ZNRF2: variants seen among roughly 807,000 people sequenced by gnomAD.
ZNRF2 encodes the protein zinc and ring finger 2.
A neutral mutation model predicts 20.4 loss-of-function variants in ZNRF2; 16 were observed. The observed-to-expected ratio is 0.79, with a 90% CI of 0.53 to 1.19. The LOEUF is 1.19. ZNRF2 is among the 50% of genes most tolerant of loss of function. ZNRF2 has a pLI of 0.00. For missense variants in ZNRF2, 363 were observed against 332.4 expected, an observed-to-expected ratio of 1.09 and a Z score of -0.72; for synonymous variants, 178 against 144.9, an observed-to-expected ratio of 1.23 and a Z score of -1.64.
intron 1 of ZNRF2, among the ~76,000 whole-genome samples, chr7:30,316,010 T>G (rs967518862): frequency 1.3e-5 from 2 of 151,878 alleles, no homozygotes; most frequent in African/African-American, 4.8e-5. Flanking sequence ...ATTGTCAGAC[T>G]AGGCGCTGTG....
intron 2 of ZNRF2, among the ~76,000 whole-genome samples, chr7:30,329,032 A>G (rs944450484): frequency 1.6e-4 from 25 of 152,174 alleles, no homozygotes; most frequent in Admixed American, 7.2e-4. Context: ...TGTATAGTCT[A>G]TGAATCTAAT....
In ZNRF2 at chr7:30,286,014, C is replaced by G. The variant is rs556540595; in HGVS notation, c.469+188C>G. ...CGCTTAACACCGGCGGTGCCGCTAC[C>G]GCATAGACGCGTGGTTTTGTTTTTA... is the stretch of plus-strand genomic sequence containing the variant. On this transcript the variant is annotated intron_variant, in intron 1 of 4. Transcript: ENST00000323037. Among the ~76,000 whole-genome samples, 6 of 152,352 alleles carry G rather than the reference C, an allele frequency of 3.9e-5. No homozygotes were observed. The South Asian group carries it at 1.0e-3, about 26-fold the overall frequency.
chr7:30,357,196 T>G (rs892270860), intron 3 of ZNRF2, among the ~76,000 whole-genome samples: 7 of 152,176 alleles, frequency 4.6e-5, no homozygotes, highest in Non-Finnish European at 1.0e-4. Context: ...GCCCATCAAT[T>G]GATTAGAGAA....
At chr7:30,352,511 A>C (rs965486154) in intron 2 of ZNRF2, among the ~76,000 whole-genome samples, 2 of 152,092 alleles carry the variant, frequency 1.3e-5, no homozygotes, top group African/African-American at 4.8e-5. Flanking sequence ...CTGATAAGCA[A>C]TGCGCTCATT....
chr7:30,340,907 C>T (rs1249977742), intron 2 of ZNRF2, among the ~76,000 whole-genome samples: 1 of 152,090 alleles, frequency 6.6e-6, no homozygotes, highest in Non-Finnish European at 1.5e-5. Flanking sequence ...TAATTACTGC[C>T]TCAATTTCAG....
At chr7:30,331,175 T>C (rs1799630568) in intron 2 of ZNRF2, among the ~76,000 whole-genome samples, 1 of 152,192 alleles carries the variant, frequency 6.6e-6, no homozygotes, top group Non-Finnish European at 1.5e-5. Flanking sequence ...CATACAGGAT[T>C]CCTGTACTAA....
At chr7:30,351,070 ATAAC>A (rs1043800061) in intron 2 of ZNRF2, among the ~76,000 whole-genome samples, 1 of 150,968 alleles carries the variant, frequency 6.6e-6, no homozygotes, top group African/African-American at 2.4e-5. Flanking sequence ...TTGATCTGCA[ATAAC>A]TATATGGATA....
At chr7:30,316,993 G>GC (rs954335779) in intron 1 of ZNRF2, among the ~76,000 whole-genome samples, 6 of 151,776 alleles carry the variant, frequency 4.0e-5, no homozygotes, top group African/African-American at 7.3e-5. Context: ...TGATTTATTT[G>GC]CCCCCCCTTT....
chr7:30,338,427 C>T (rs1193071702), intron 2 of ZNRF2, among the ~76,000 whole-genome samples: 1 of 136,994 alleles, frequency 7.3e-6, no homozygotes, highest in African/African-American at 2.7e-5. Context: ...CCCCTAGCCC[C>T]CCCCCACCCC....
chr7:30,342,733 A>G (rs1486943148), intron 2 of ZNRF2, among the ~76,000 whole-genome samples: 1 of 152,114 alleles, frequency 6.6e-6, no homozygotes, highest in African/African-American at 2.4e-5. Flanking sequence ...TTTCAGCAGA[A>G]GTATACAAGC....
At chr7:30,308,487 A>G (rs1039658522) in intron 1 of ZNRF2, among the ~76,000 whole-genome samples, 2 of 152,154 alleles carry the variant, frequency 1.3e-5, no homozygotes, top group African/African-American at 4.8e-5. Flanking sequence ...GAGAAATGCA[A>G]ATCTGTGGGC....
intron 4 of ZNRF2, among the ~76,000 whole-genome samples, chr7:30,363,541 C>T (rs776000331): frequency 7.9e-5 from 12 of 152,038 alleles, no homozygotes; most frequent in Admixed American, 3.3e-4. Context: ...TTCAAACAGT[C>T]GCATCATAAA....
chr7:30,313,874 C>T (rs762164485), intron 1 of ZNRF2, among the ~76,000 whole-genome samples: 8 of 152,162 alleles, frequency 5.3e-5, no homozygotes, highest in Non-Finnish European at 1.0e-4. Flanking sequence ...TCGGTATATT[C>T]GATTTTACAA....
chr7:30,324,953 T>C (rs752634248), intron 2 of ZNRF2, among the ~76,000 whole-genome samples: 3 of 152,196 alleles, frequency 2.0e-5, no homozygotes, highest in Non-Finnish European at 4.4e-5. Flanking sequence ...GCAGTGCATA[T>C]GTGTCTCTGT....
Position 30,292,408 on chromosome 7 carries a change from C to T in ZNRF2, c.469+6582C>T, listed in dbSNP as rs569571361. On this transcript the variant is annotated intron_variant, in intron 1 of 4. Coordinates refer to ENST00000323037, the MANE Select transcript of ZNRF2 (RefSeq NM_147128.4). ...ATCACTCAAATATTTAATGAGGACG[C>T]GCTTTTCCGGACACTATTCTGGGGG... Among the ~76,000 whole-genome samples the T allele has an allele frequency of 1.4e-3, 215 of 152,120 alleles. 2 individuals carry two copies. Among genetic ancestry groups the T allele is most frequent in the Non-Finnish European group, 1.8e-3 (121 of 68,012 alleles).
At chr7:30,316,142 G>A (rs1333127435) in intron 1 of ZNRF2, among the ~76,000 whole-genome samples, 1 of 151,552 alleles carries the variant, frequency 6.6e-6, no homozygotes, top group Non-Finnish European at 1.5e-5. Flanking sequence ...TACAAAATTA[G>A]CTGGGCTTGG....
At chr7:30,297,932 C>T (rs1799044401) in intron 1 of ZNRF2, among the ~76,000 whole-genome samples, 1 of 151,794 alleles carries the variant, frequency 6.6e-6, no homozygotes, top group South Asian at 2.1e-4. Context: ...TCGTGTGATC[C>T]TAGCTTACTG....
chr7:30,324,566 A>C (rs1396677822), intron 2 of ZNRF2, among the ~76,000 whole-genome samples: 1 of 151,080 alleles, frequency 6.6e-6, no homozygotes, highest in African/African-American at 2.5e-5. Flanking sequence ...AAAAGAAAAA[A>C]AAACAAAAAC....
chr7:30,286,800 T>G (rs989605145), intron 1 of ZNRF2, among the ~76,000 whole-genome samples: 1 of 152,246 alleles, frequency 6.6e-6, no homozygotes, highest in Non-Finnish European at 1.5e-5. Flanking sequence ...CATCGCATTA[T>G]GTATCTGGTA....
Sources: allele counts gnomAD v4.1 joint callset (sites outside exome capture counted in the v4.1 genomes callset), GRCh38; gene constraint gnomAD v4.1.1; transcripts MANE v1.5; gene names NCBI Gene and HGNC (gene_info 2026-07-23, HGNC 2026-07-21).